The following GRAP2 variants were observed in gnomAD, a reference collection of about 807,000 sequenced individuals.
The protein encoded by GRAP2 is GRB2-related adapter protein 2.
Under a neutral mutation model 43.5 loss-of-function variants are expected in GRAP2, and 31 were observed. That is an observed-to-expected ratio of 0.71 (90% CI 0.54 to 0.96). GRAP2 has a LOEUF of 0.96. Ranked by LOEUF, GRAP2 falls within the 40% of genes least tolerant of loss-of-function variation. The pLI is 0.00. For synonymous variants in GRAP2, 156 were observed against 164.8 expected, an observed-to-expected ratio of 0.95 and a Z score of 0.41; for missense variants, 371 against 424.4, an observed-to-expected ratio of 0.87 and a Z score of 1.11.
chr22:39,946,421 G>A (rs2066923143), intron 1 of GRAP2, among the ~76,000 whole-genome samples: 1 of 152,166 alleles, frequency 6.6e-6, no homozygotes, highest in Non-Finnish European at 1.5e-5. Flanking sequence ...ATTACAAGAA[G>A]GGGGCCACTA....
intron 7 of GRAP2, among the ~76,000 whole-genome samples, chr22:39,970,342 C>T (rs1220667960): frequency 6.6e-6 from 1 of 152,114 alleles, no homozygotes; most frequent in East Asian, 1.9e-4. Flanking sequence ...CAGCCTCCCA[C>T]AGTGCTGGGA....
At chr22:39,962,388 G>A (rs2067128692) in intron 4 of GRAP2, among the ~76,000 whole-genome samples, 1 of 152,050 alleles carries the variant, frequency 6.6e-6, no homozygotes, top group Non-Finnish European at 1.5e-5. Flanking sequence ...TCGCACCACT[G>A]CACTCTAGCC....
At chr22:39,954,981 CAA>C (rs2145652545) in intron 2 of GRAP2, among the ~76,000 whole-genome samples, 1 of 152,334 alleles carries the variant, frequency 6.6e-6, no homozygotes, top group African/African-American at 2.4e-5. Context: ...CATGTGAACA[CAA>C]AGAGTTACTG....
chr22:39,952,026 T>TG (rs1360996092), intron 2 of GRAP2, among the ~76,000 whole-genome samples: 1 of 149,092 alleles, frequency 6.7e-6, no homozygotes, highest in Non-Finnish European at 1.5e-5. Flanking sequence ...GTGGTTTTTT[T>TG]TTTTTTTTTT....
At chr22:39,935,207 ATTCT>A (rs995421661) in intron 1 of GRAP2, among the ~76,000 whole-genome samples, 25 of 152,088 alleles carry the variant, frequency 1.6e-4, no homozygotes, top group African/African-American at 6.0e-4. Context: ...TCTTTCTTTC[ATTCT>A]TTCTTTTTCT....
At position 39,969,497 on chromosome 22, in the gene GRAP2, G is replaced by A; in HGVS notation, c.777G>A (p.Arg259=). The A allele has an allele frequency of 6.2e-7, 1 of 1,614,066 alleles. No homozygotes were observed. The highest frequency in any genetic ancestry group is 8.5e-7 in the Non-Finnish European group (1 of 1,179,964). Residue 259 remains arginine (R), a synonymous_variant, in exon 7 of 8, where the codon CGG becomes CGA. Coordinates refer to ENST00000344138, the MANE Select transcript of GRAP2 (RefSeq NM_004810.4). ...GSEMNAALMH[R]RHTDPVQLQA... is the part of the protein sequence containing the mutation. ...AAATGAATGCGGCCCTCATGCATCG[G>A]AGACACACAGACCCAGTGCAGCTCC...
intron 1 of GRAP2, among the ~76,000 whole-genome samples, chr22:39,919,251 C>T (rs1055546684): frequency 6.6e-6 from 1 of 152,130 alleles, no homozygotes; most frequent in African/African-American, 2.4e-5. Context: ...TCTTGTCATA[C>T]TGTACCAGCT....
chr22:39,951,831 T>C (rs1242738899), intron 2 of GRAP2, among the ~76,000 whole-genome samples: 1 of 152,090 alleles, frequency 6.6e-6, no homozygotes, highest in Non-Finnish European at 1.5e-5. Context: ...CCTCACCTTC[T>C]ATACATGGTA....
At chr22:39,925,316 A>G (rs2054908794) in intron 1 of GRAP2, among the ~76,000 whole-genome samples, 1 of 152,154 alleles carries the variant, frequency 6.6e-6, no homozygotes, top group Admixed American at 6.5e-5. Context: ...ATTCCTGTGA[A>G]TACTTCTTAC....
At chr22:39,963,543 C>T (rs1184972669) in intron 4 of GRAP2, among the ~76,000 whole-genome samples, 1 of 152,112 alleles carries the variant, frequency 6.6e-6, no homozygotes, top group Non-Finnish European at 1.5e-5. Flanking sequence ...GTGGCCAAAA[C>T]CAAGGGGAAG....
At chr22:39,964,443 C>T (rs1019237035) in intron 4 of GRAP2, 8 of 927,684 alleles carry the variant, frequency 8.6e-6, no homozygotes, top group African/African-American at 3.3e-5. Flanking sequence ...AGGAGATGGA[C>T]GAGGAAGAGA....
intron 1 of GRAP2, chr22:39,926,857 A>G (rs1396350805): frequency 1.0e-6 from 1 of 984,032 alleles, no homozygotes; most frequent in African/African-American, 1.7e-5. Flanking sequence ...TAATCAAGTA[A>G]GTATAAATAT....
intron 1 of GRAP2, among the ~76,000 whole-genome samples, chr22:39,927,870 T>C (rs2066720887): frequency 6.6e-6 from 1 of 152,212 alleles, no homozygotes; most frequent in Admixed American, 6.5e-5. Context: ...AGCTGCAAAT[T>C]GCTCTCAGGC....
upstream of GRAP2, among the ~76,000 whole-genome samples, chr22:39,896,275 T>G (rs1247066109): frequency 6.6e-6 from 1 of 152,218 alleles, no homozygotes; most frequent in Non-Finnish European, 1.5e-5. Context: ...ATCTCCACTC[T>G]GTTCACTCTC....
chr22:39,952,500 T>C (rs1339383917), intron 2 of GRAP2, among the ~76,000 whole-genome samples: 1 of 152,194 alleles, frequency 6.6e-6, no homozygotes, highest in Non-Finnish European at 1.5e-5. Flanking sequence ...CTTGTGTTTT[T>C]ACGTGGCTAC....
At chr22:39,922,762 G>T (rs1273279489) in intron 1 of GRAP2, among the ~76,000 whole-genome samples, 2 of 152,194 alleles carry the variant, frequency 1.3e-5, no homozygotes, top group South Asian at 2.1e-4. Flanking sequence ...GTATATTTAG[G>T]CCAGGTGCGG....
At chr22:39,960,027 A>C in intron 3 of GRAP2, 28 bp from the exon 4 acceptor site, 1 of 1,611,746 alleles carries the variant, frequency 6.2e-7, no homozygotes, top group Non-Finnish European at 8.5e-7. Flanking sequence ...TCTCATCCTG[A>C]TCCTTTTGTT....
chr22:39,967,627 A>T (rs990728905), intron 5 of GRAP2, among the ~76,000 whole-genome samples: 4 of 152,210 alleles, frequency 2.6e-5, no homozygotes, highest in Admixed American at 6.5e-5. Context: ...TGTAAATGAC[A>T]GTTCAAAATC....
intron 1 of GRAP2, chr22:39,926,768 G>A: frequency 2.0e-6 from 2 of 985,274 alleles, no homozygotes; most frequent in Non-Finnish European, 2.4e-6. Context: ...CGCTTTGCCT[G>A]ATAGAGAGAC....
Sources: gnomAD v4.1 joint callset for allele counts (sites outside exome capture counted in the v4.1 genomes callset) on GRCh38, gnomAD v4.1.1 for gene constraint, MANE v1.5 for transcripts, NCBI Gene and HGNC (gene_info 2026-07-23, HGNC 2026-07-21) for gene names.